Variants in ATM observed in about 807,000 individuals in gnomAD.
ATM encodes serine-protein kinase ATM.
ATM carries 308 observed loss-of-function variants against 387.0 expected under a neutral mutation model. That is an observed-to-expected ratio of 0.80 (90% CI 0.73 to 0.87). The LOEUF (loss-of-function observed/expected upper bound fraction) is 0.87. Ranked by LOEUF, ATM falls within the 40% of genes least tolerant of loss-of-function variation. ATM has a pLI of 0.00. For synonymous variants in ATM, 1,156 were observed against 1,187.3 expected (o/e 0.97, Z 0.54); for missense variants, 3,312 against 3,560.9 (o/e 0.93, Z 1.78).
intron 29 of ATM, among the ~76,000 whole-genome samples, chr11:108,291,147 A>G (rs2082771334): frequency 6.6e-6 from 1 of 152,090 alleles, no homozygotes; most frequent in Admixed American, 6.5e-5. Context: ...GAGGCAGGAA[A>G]ATGGCCAGAA....
chr11:108,250,245 C>T (rs1429240235), intron 9 of ATM, among the ~76,000 whole-genome samples: 1 of 151,918 alleles, frequency 6.6e-6, no homozygotes, highest in Non-Finnish European at 1.5e-5. Flanking sequence ...CTCCACCTCC[C>T]AGGTTCAAGC....
At chr11:108,292,590 G>A in intron 29 of ATM, 29 bp from the exon 30 acceptor site, 1 of 1,610,196 alleles carries the variant, frequency 6.2e-7, no homozygotes, top group Non-Finnish European at 8.5e-7. Context: ...CTTACTGGTT[G>A]TTGTTGTTTT....
rs2083309538 is a variant in ATM at position 108,299,597 on chromosome 11, T to A, written c.5006-117T>A. The A allele has an allele frequency of 3.6e-6, 4 of 1,100,766 alleles. No individual in the cohort carries two copies. The South Asian group carries it at 3.8e-5, about 10-fold the overall frequency. 68.2% of individuals were successfully genotyped at this position (1,100,766 alleles called of 1,614,324 possible). A position where few individuals can be genotyped will look rare whatever the true frequency, so the allele number is the denominator to read the frequency against. ...CAGTCGTGAGCCACCGCACTCGGCC[T>A]TAAGGTTAATTCTTGAAGTACAGAA... is the stretch of plus-strand genomic sequence containing the variant. On this transcript the variant is annotated intron_variant, in intron 33 of 62. Transcript: ENST00000675843.
intron 26 of ATM, among the ~76,000 whole-genome samples, chr11:108,285,174 G>A (rs183305353): frequency 2.0e-5 from 3 of 152,182 alleles, no homozygotes; most frequent in East Asian, 1.9e-4. Context: ...TGGCCAGGCT[G>A]GTCTTTAACT....
rs1060501689 is a variant in ATM at position 108,335,845 on chromosome 11, G to A, written c.8152G>A (p.Gly2718Ser). Residue 2718 changes from glycine (G) to serine (S), a missense_variant and splice_region_variant, in exon 56 of 63, where the codon GGC (glycine) becomes AGC (serine). Gly to Ser is a moderately conservative substitution (Grantham distance 56). Coordinates refer to ENST00000675843, the MANE Select transcript of ATM (RefSeq NM_000051.4). Reference sequence around the variant, plus strand: ...TTATTCATGCTTAATTATTCTGAAGGGCCGTGATGACCTGAGACAAGATGC... The same window carrying A: ...TTATTCATGCTTAATTATTCTGAAGAGCCGTGATGACCTGAGACAAGATGC... ...DGKERRQLVK[G>S]RDDLRQDAVM... The A allele has an allele frequency of 6.2e-7, 1 of 1,610,740 alleles. No homozygotes were observed. Among genetic ancestry groups the A allele is most frequent in the South Asian group, 1.1e-5 (1 of 90,970 alleles).
chr11:108,255,172 A>C (rs1254838778), intron 13 of ATM, among the ~76,000 whole-genome samples: 1 of 152,182 alleles, frequency 6.6e-6, no homozygotes, highest in Non-Finnish European at 1.5e-5. Context: ...TAAAGCCTAC[A>C]ATCCATTCAA....
At chr11:108,286,056 G>A (rs1018746485) in intron 26 of ATM, among the ~76,000 whole-genome samples, 2 of 152,188 alleles carry the variant, frequency 1.3e-5, no homozygotes, top group South Asian at 2.1e-4. Context: ...TCTTGGCCGG[G>A]TGCGGTGGCT....
chr11:108,295,355 C>G (rs1231961337), intron 32 of ATM: 2 of 348,684 alleles, frequency 5.7e-6, no homozygotes, highest in Non-Finnish European at 1.1e-5. Context: ...TTTTAAGAGT[C>G]TCACTCTGTC....
chr11:108,320,197 CT>C, intron 44 of ATM, 139 bp downstream of exon 44: 1 of 685,412 alleles, frequency 1.5e-6, no homozygotes, highest in Non-Finnish European at 2.5e-6. Flanking sequence ...CAGATGTTTC[CT>C]TGTAATTCTC....
At chr11:108,272,114 A>G (rs1399285728) in intron 20 of ATM, among the ~76,000 whole-genome samples, 1 of 152,200 alleles carries the variant, frequency 6.6e-6, no homozygotes, top group Non-Finnish European at 1.5e-5. Flanking sequence ...ACCTCAAGTG[A>G]TCTGCCCACC....
rs778201041 is a variant in ATM at position 108,227,662 on chromosome 11, G to A, written c.38G>A (p.Arg13His). 17 of 1,613,566 alleles carry A rather than the reference G, an allele frequency of 1.1e-5. No individual in the cohort carries two copies. Among genetic ancestry groups the A allele is most frequent in the Admixed American group, 3.3e-5 (2 of 59,980 alleles). ...CTTAATGATCTGCTTATCTGCTGCC[G>A]TCAACTAGAACATGATAGAGCTACA... is the stretch of plus-strand genomic sequence containing the variant. ...LVLNDLLICC[R>H]QLEHDRATER... Residue 13 changes from arginine to histidine, a missense_variant, in exon 2 of 63, where the codon CGT (arginine) becomes CAT (histidine). Around this residue, in one of 4 missense-constraint regions of ATM, gnomAD observed 1,791 missense variants for 1,804.5 expected, o/e 0.99. Transcript: ENST00000675843.
chr11:108,236,725 T>C (rs999258731), intron 5 of ATM, among the ~76,000 whole-genome samples: 1 of 152,126 alleles, frequency 6.6e-6, no homozygotes, highest in Non-Finnish European at 1.5e-5. Flanking sequence ...CAGAACCCAG[T>C]GATTCATTAG....
In ATM at chr11:108,321,478, G is replaced by T. The variant is rs965932198; in HGVS notation, c.6572+58G>T. 3.1e-6 allele frequency: 5 copies of T among 1,611,298 alleles called. No individual in the cohort carries two copies. In the African/African-American group the frequency reaches 4.0e-5, roughly 13 times the overall value. ...GTGCAGCTTTTCTGTTACCAATAGT[G>T]ACTTTAAAAAATAAAAACTATAGGC... On this transcript the variant is annotated intron_variant, in intron 45 of 62. Transcript: ENST00000675843.
chr11:108,352,251 G>A lies in ATM; in HGVS notation c.8672-1515G>A, dbSNP rs1436667616. The stretch of plus-strand genomic sequence containing the variant: ...AGCAGCCATCATAAAAACACTGAAG[G>A]AACAATTACAAACATGCTTGAAACA... On this transcript the variant is annotated intron_variant, in intron 59 of 62. Transcript: ENST00000675843. Among the ~76,000 whole-genome samples the A allele has an allele frequency of 3.3e-5, 5 of 152,226 alleles. No individual in the cohort carries two copies. The South Asian group carries it at 6.2e-4, about 19-fold the overall frequency.
intron 5 of ATM, among the ~76,000 whole-genome samples, chr11:108,238,226 C>T (rs570552006): frequency 2.4e-4 from 37 of 152,144 alleles, no homozygotes; most frequent in African/African-American, 7.0e-4. Flanking sequence ...CGCGTCTGGC[C>T]ACTTGTCTTT....
chr11:108,255,816 G>A (rs2080439055), intron 13 of ATM, among the ~76,000 whole-genome samples: 1 of 152,160 alleles, frequency 6.6e-6, no homozygotes, highest in Non-Finnish European at 1.5e-5. Flanking sequence ...CTATTCTTCA[G>A]AAGCTTAAAA....
At chr11:108,334,839 A>G (rs2086656073) in intron 54 of ATM, 130 bp from the exon 55 acceptor site, 11 of 1,090,152 alleles carry the variant, frequency 1.0e-5, no homozygotes, top group Non-Finnish European at 1.5e-5. Context: ...CTAAAGTTGT[A>G]GTTCTTAACC....
chr11:108,325,695 T>G, intron 46 of ATM, 151 bp downstream of exon 46: 1 of 772,858 alleles, frequency 1.3e-6, no homozygotes, highest in South Asian at 1.9e-5. Context: ...GTTCCCATTT[T>G]GGAATTAGAT....
At chr11:108,286,814 T>C (rs2082519126) in intron 26 of ATM, among the ~76,000 whole-genome samples, 1 of 152,224 alleles carries the variant, frequency 6.6e-6, no homozygotes, top group Admixed American at 6.5e-5. Context: ...TTTTTTGTTA[T>C]TAGGAAGTAT....
Sources: allele counts gnomAD v4.1 joint callset (sites outside exome capture counted in the v4.1 genomes callset), GRCh38; gene constraint gnomAD v4.1.1; regional missense constraint gnomAD v4.1.1; transcripts MANE v1.5; gene names NCBI Gene and HGNC (gene_info 2026-07-23, HGNC 2026-07-21).